The following PDCD6IP variants were observed in gnomAD, a reference collection of about 807,000 sequenced individuals.
PDCD6IP encodes programmed cell death 6-interacting protein.
A neutral mutation model predicts 103.7 loss-of-function variants in PDCD6IP; 43 were observed. That is an observed-to-expected ratio of 0.41 (90% CI 0.32 to 0.53). The LOEUF (loss-of-function observed/expected upper bound fraction) is 0.53. PDCD6IP is among the 20% of genes least tolerant of loss of function. The probability of loss-of-function intolerance (pLI) is 0.16; values close to 1 mark genes in which losing one functional copy is unlikely to be tolerated. For synonymous variants in PDCD6IP, 354 were observed against 378.7 expected (o/e 0.93, Z 0.76); for missense variants, 871 against 1,036.7 (o/e 0.84, Z 2.20).
intron 15 of PDCD6IP, among the ~76,000 whole-genome samples, chr3:33,857,190 A>AT (rs34020687): frequency 0.15 from 23,255 of 151,528 alleles, 2,240 homozygotes; most frequent in East Asian, 0.39. Context: ...AAAAAAGGTG[A>AT]TTTTTTTTTA....
chr3:33,822,695 G>C (rs1371802736), intron 4 of PDCD6IP, among the ~76,000 whole-genome samples: 1 of 152,174 alleles, frequency 6.6e-6, no homozygotes, highest in South Asian at 2.1e-4. Context: ...TTGTTCTGTT[G>C]CCCAGGCTGG....
At chr3:33,802,132 G>C (rs1227079684) in intron 1 of PDCD6IP, among the ~76,000 whole-genome samples, 2 of 152,194 alleles carry the variant, frequency 1.3e-5, no homozygotes, top group African/African-American at 4.8e-5. Context: ...ATTCCTTTCA[G>C]CTTTCTGCTG....
At chr3:33,834,203 G>T (rs923321704) in intron 7 of PDCD6IP, among the ~76,000 whole-genome samples, 1 of 151,888 alleles carries the variant, frequency 6.6e-6, no homozygotes, top group African/African-American at 2.4e-5. Flanking sequence ...TTTTTTCTGT[G>T]GTCCCCTGGT....
intron 14 of PDCD6IP, 81 bp downstream of exon 14, chr3:33,854,094 G>T (rs1329205023): frequency 2.1e-6 from 3 of 1,437,952 alleles, no homozygotes; most frequent in African/African-American, 3.0e-5. Flanking sequence ...GGTATTTCCA[G>T]TTGAACCAAA....
Position 33,826,575 on chromosome 3 carries a change from C to G in PDCD6IP, c.712C>G (p.Pro238Ala), listed in dbSNP as rs776619396. 8 of 1,611,126 alleles carry G rather than the reference C, an allele frequency of 5.0e-6. No homozygotes were observed. In the South Asian group the frequency reaches 6.6e-5, roughly 13 times the overall value. The change falls in exon 6 of 18, where the codon CCC becomes GCC. Residue 238 changes from proline (P) to alanine (A), a missense_variant. Pro to Ala is a conservative substitution (Grantham distance 27). Transcript: ENST00000307296. ...ACAGTGTCAATACAAAGATACTCTC[C>G]CCAAGGTCAGTTATTGTTTTTATAA... ...FKQCQYKDTL[P>A]KEVFPVLAAK... is the part of the protein sequence containing the mutation.
intron 15 of PDCD6IP, among the ~76,000 whole-genome samples, chr3:33,861,177 C>T (rs1442021686): frequency 2.0e-5 from 3 of 149,006 alleles, no homozygotes; most frequent in Non-Finnish European, 4.4e-5. Flanking sequence ...TGGAGTCTTG[C>T]TCTGTCGCTC....
intron 12 of PDCD6IP, among the ~76,000 whole-genome samples, 168 bp downstream of exon 12, chr3:33,845,756 A>G (rs1697579115): frequency 6.6e-6 from 1 of 152,222 alleles, no homozygotes; most frequent in Non-Finnish European, 1.5e-5. Flanking sequence ...AGATAATTAT[A>G]CTAATATTAA....
rs535507331 is a variant in PDCD6IP, at chr3:33,807,482, C to T, written c.210-4590C>T. 2.6e-4 allele frequency among the ~76,000 whole-genome samples: 39 copies of T among 152,288 alleles called. No individual in the cohort carries two copies. The South Asian group carries it at 7.5e-3, about 29-fold the overall frequency. On this transcript the variant is annotated intron_variant, in intron 1 of 17. Coordinates refer to ENST00000307296, the MANE Select transcript of PDCD6IP (RefSeq NM_013374.6). ...ACACCAGAGTAAATATTCTGCTTGG[C>T]GTTGGCTTGGCACTAAATGGTATAA...
At chr3:33,866,152 C>T (rs1698059015) in intron 17 of PDCD6IP, among the ~76,000 whole-genome samples, 199 bp from the exon 18 acceptor site, 1 of 151,902 alleles carries the variant, frequency 6.6e-6, no homozygotes, top group Non-Finnish European at 1.5e-5. Flanking sequence ...ACACTTGGTA[C>T]TCTTTTGTTT....
chr3:33,861,395 C>T (rs1349291230), intron 15 of PDCD6IP, among the ~76,000 whole-genome samples: 1 of 152,180 alleles, frequency 6.6e-6, no homozygotes, highest in African/African-American at 2.4e-5. Context: ...CCCGCCTCGG[C>T]CTCCCAAAGT....
intron 7 of PDCD6IP, among the ~76,000 whole-genome samples, chr3:33,831,867 A>G (rs1380914595): frequency 6.6e-6 from 1 of 152,152 alleles, no homozygotes; most frequent in African/African-American, 2.4e-5. Flanking sequence ...TTCTCATATA[A>G]CAATGTATCC....
chr3:33,800,129 A>G (rs1254851162), intron 1 of PDCD6IP, among the ~76,000 whole-genome samples: 1 of 150,844 alleles, frequency 6.6e-6, no homozygotes, highest in Non-Finnish European at 1.5e-5. Context: ...CAAAAAAAAA[A>G]AAAAAAAAAA....
In PDCD6IP at chr3:33,822,012, C is replaced by T. The variant is rs1258416847; in HGVS notation, c.392C>T (p.Ala131Val). ...SCVLFNCAALASQIAAEQNLD... is the reference protein window; with the variant it reads ...SCVLFNCAALVSQIAAEQNLD... ...GTGTTGTTCAATTGTGCAGCCTTAG[C>T]TAGCCAAATTGCAGCAGAACAGAAC... Residue 131 changes from alanine to valine, a missense_variant, in exon 4 of 18, where the codon GCT (alanine) becomes GTT (valine). By Grantham distance (64) the Ala-to-Val change is moderately conservative (BLOSUM62 0). Around this residue, in one of 5 missense-constraint regions of PDCD6IP, gnomAD observed 47 missense variants for 83.7 expected, o/e 0.56. Transcript: ENST00000307296. 1.9e-6 allele frequency: 3 copies of T among 1,613,974 alleles called. No individual in the cohort carries two copies. The highest frequency in any genetic ancestry group is 1.7e-6 in the Non-Finnish European group (2 of 1,179,862).
intron 7 of PDCD6IP, among the ~76,000 whole-genome samples, chr3:33,831,218 C>A (rs1355249207): frequency 1.4e-5 from 2 of 147,138 alleles, no homozygotes; most frequent in Middle Eastern, 6.8e-3. Context: ...ATACAGTTTT[C>A]AAAAAGATAC....
chr3:33,844,053 G>A, intron 10 of PDCD6IP, 59 bp from the exon 11 acceptor site: 1 of 994,320 alleles, frequency 1.0e-6, no homozygotes, highest in Admixed American at 2.2e-5. Context: ...TTTATTAAAT[G>A]TATTAAAGTT....
intron 7 of PDCD6IP, among the ~76,000 whole-genome samples, chr3:33,831,827 A>G (rs1330588349): frequency 6.6e-6 from 1 of 151,854 alleles, no homozygotes; most frequent in African/African-American, 2.4e-5. Flanking sequence ...GTAGTATGCT[A>G]TTAATATATA....
intron 12 of PDCD6IP, among the ~76,000 whole-genome samples, chr3:33,846,982 C>T (rs984478649): frequency 6.6e-6 from 1 of 152,048 alleles, no homozygotes; most frequent in Admixed American, 6.5e-5. Flanking sequence ...CTGGATCTAA[C>T]GGGGGAACCC....
rs758559741 is a variant in PDCD6IP at position 33,838,219 on chromosome 3, T to C, written c.1073T>C (p.Met358Thr). ...CTAATTTTAGATCTGTTTGAGAAGA[T>C]GGTTCCCGTGTCAGTACAGCAGTCT... ...SQKFTDLFEK[M>T]VPVSVQQSLA... Residue 358 changes from methionine (M) to threonine (T), a missense_variant, in exon 9 of 18, where the codon ATG becomes ACG. Physicochemically the swap from Met to Thr is moderately conservative, Grantham distance 81. This residue lies in a region of PDCD6IP where 242 missense variants were observed against 250.7 expected (regional missense o/e 0.97). Coordinates refer to ENST00000307296, the MANE Select transcript of PDCD6IP (RefSeq NM_013374.6). The C allele has an allele frequency of 1.4e-5, 23 of 1,613,392 alleles. No individual in the cohort carries two copies. Among genetic ancestry groups the C allele is most frequent in the Non-Finnish European group, 1.8e-5 (21 of 1,179,756 alleles).
At chr3:33,853,596 A>T (rs1280540384) in intron 13 of PDCD6IP, among the ~76,000 whole-genome samples, 1 of 152,160 alleles carries the variant, frequency 6.6e-6, no homozygotes, top group African/African-American at 2.4e-5. Flanking sequence ...TAACTCCAAA[A>T]GGTAAAATAA....
Sources: allele counts gnomAD v4.1 joint callset (sites outside exome capture counted in the v4.1 genomes callset), GRCh38; gene constraint gnomAD v4.1.1; regional missense constraint gnomAD v4.1.1; transcripts MANE v1.5; gene names NCBI Gene and HGNC (gene_info 2026-07-23, HGNC 2026-07-21).